Variants in CCDC6 observed in about 807,000 individuals in gnomAD.
CCDC6 encodes coiled-coil domain containing 6.
A neutral mutation model predicts 56.6 loss-of-function variants in CCDC6; 20 were observed. The observed-to-expected ratio is 0.35, with a 90% confidence interval of 0.25 to 0.51. The LOEUF is 0.51. CCDC6 is among the 20% of genes least tolerant of loss of function. The probability of loss-of-function intolerance (pLI) is 0.95; values close to 1 mark genes in which losing one functional copy is unlikely to be tolerated. For synonymous variants in CCDC6, 241 were observed against 234.4 expected (o/e 1.03, Z -0.26); for missense variants, 367 against 601.1 (o/e 0.61, Z 4.07).
At chr10:59,870,998 GAGTC>G (rs1407092536) in intron 1 of CCDC6, among the ~76,000 whole-genome samples, 2 of 152,028 alleles carry the variant, frequency 1.3e-5, no homozygotes, top group African/African-American at 4.8e-5. Flanking sequence ...TATGAGAGGA[GAGTC>G]AGTCAGATCT....
intron 1 of CCDC6, among the ~76,000 whole-genome samples, chr10:59,877,204 T>C (rs944829143): frequency 1.3e-5 from 2 of 152,340 alleles, no homozygotes; most frequent in South Asian, 2.1e-4. Flanking sequence ...TCATTCACGA[T>C]GGCAAAACAA....
chr10:59,850,939 T>C (rs989802929), intron 2 of CCDC6, among the ~76,000 whole-genome samples: 1 of 152,016 alleles, frequency 6.6e-6, no homozygotes, highest in Non-Finnish European at 1.5e-5. Flanking sequence ...CATTCTTTTT[T>C]AGTATCTTAT....
rs770900274 is a variant in CCDC6, at chr10:59,882,023, CCG to C, written c.303+24097_303+24098del. On this transcript the variant is annotated intron_variant, in intron 1 of 8. Transcript: ENST00000263102. ...AAAGCTGGGGAGAAGGAAAGGAAAG[CCG>C]CGGGGAGAAGGAAAGGAAAGCCAGG... Among the ~76,000 whole-genome samples, 13 of 47,038 alleles carry C rather than the reference CCG, an allele frequency of 2.8e-4. 1 individual carries two copies. The highest frequency in any genetic ancestry group is 1.7e-3 in the East Asian group (3 of 1,808). 30.9% of individuals were successfully genotyped at this position (47,038 alleles called of 152,430 possible).
intron 1 of CCDC6, among the ~76,000 whole-genome samples, chr10:59,891,348 A>G (rs2071421003): frequency 1.3e-5 from 2 of 152,208 alleles, no homozygotes; most frequent in Non-Finnish European, 2.9e-5. Context: ...CACACAGCCT[A>G]ATAGAGAATG....
intron 1 of CCDC6, among the ~76,000 whole-genome samples, chr10:59,890,889 A>G (rs575130502): frequency 2.6e-5 from 4 of 151,704 alleles, no homozygotes; most frequent in African/African-American, 9.7e-5. Flanking sequence ...TCCTCCCCCA[A>G]CCCCACGACA....
chr10:59,830,356 T>C (rs2070825236), intron 3 of CCDC6, among the ~76,000 whole-genome samples: 1 of 152,254 alleles, frequency 6.6e-6, no homozygotes, highest in South Asian at 2.1e-4. Flanking sequence ...GGTCAGATCA[T>C]ATCCATGGAA....
In CCDC6 at chr10:59,792,767, C is replaced by A. The variant is rs767535026; in HGVS notation, c.*150G>T. 13 of 886,566 alleles carry A rather than the reference C, an allele frequency of 1.5e-5. No homozygotes were observed. Among genetic ancestry groups the A allele is most frequent in the Admixed American group, 3.4e-5 (2 of 59,136 alleles). 54.9% of individuals were successfully genotyped at this position (886,566 alleles called of 1,614,324 possible). On this transcript the variant is annotated 3_prime_UTR_variant, in exon 9 of 9. Coordinates refer to ENST00000263102, the MANE Select transcript of CCDC6 (RefSeq NM_005436.5). ...CCCACAACACTGGCTGCATTTCTGA[C>A]AAACATTTACAACACAATGGATAGT...
intron 8 of CCDC6, 25 bp from the exon 9 acceptor site, chr10:59,793,136 G>A (rs201846895): frequency 7.5e-6 from 12 of 1,600,160 alleles, no homozygotes; most frequent in Non-Finnish European, 1.0e-5. Context: ...GGAACAGCAA[G>A]TCAGTCTAGG....
At chr10:59,898,917 A>G (rs1272565000) in intron 1 of CCDC6, among the ~76,000 whole-genome samples, 1 of 152,200 alleles carries the variant, frequency 6.6e-6, no homozygotes, top group Non-Finnish European at 1.5e-5. Context: ...TCCAGGAACC[A>G]ATAAGTAAAG....
intron 3 of CCDC6, among the ~76,000 whole-genome samples, chr10:59,828,425 T>C (rs1315496656): frequency 6.6e-6 from 1 of 152,224 alleles, no homozygotes; most frequent in Non-Finnish European, 1.5e-5. Context: ...GCATTTAAGA[T>C]GCTAAATAAA....
chr10:59,904,744 G>C (rs2071529944), intron 1 of CCDC6, among the ~76,000 whole-genome samples: 1 of 152,188 alleles, frequency 6.6e-6, no homozygotes, highest in African/African-American at 2.4e-5. Flanking sequence ...AGCATGAAAA[G>C]TTTCTTTTTA....
At position 59,848,232 on chromosome 10, in the gene CCDC6, T is replaced by C. The variant is rs771605971; in HGVS notation, c.453+4321A>G. Among the ~76,000 whole-genome samples, 219 of 152,358 alleles carry C rather than the reference T, an allele frequency of 1.4e-3. 1 individual carries two copies. Among genetic ancestry groups the C allele is most frequent in the Non-Finnish European group, 1.0e-3 (70 of 68,032 alleles). On this transcript the variant is annotated intron_variant, in intron 2 of 8. Transcript: ENST00000263102. ...AGTAATTTTCTTACTTGTTCTTAACTAATCTCTTTTAAAGTATACATAGCT... is the reference window on the plus strand; with the variant it reads ...AGTAATTTTCTTACTTGTTCTTAACCAATCTCTTTTAAAGTATACATAGCT...
intron 1 of CCDC6, among the ~76,000 whole-genome samples, chr10:59,885,839 A>T (rs1236381659): frequency 1.3e-5 from 2 of 151,456 alleles, no homozygotes; most frequent in Non-Finnish European, 2.9e-5. Flanking sequence ...TCCAAGAAAC[A>T]CATCTTTTGA....
Position 59,789,997 on chromosome 10 carries a change from G to C in CCDC6, c.*2920C>G, listed in dbSNP as rs2070454070. On this transcript the variant is annotated 3_prime_UTR_variant, in exon 9 of 9. Coordinates refer to ENST00000263102, the MANE Select transcript of CCDC6 (RefSeq NM_005436.5). ...CCATGGTTGCTAGTCAGTATCTCAGGAGCTCAGAATTTAAAACTCCTTTCA... is the reference window on the plus strand; with the variant it reads ...CCATGGTTGCTAGTCAGTATCTCAGCAGCTCAGAATTTAAAACTCCTTTCA... 4.6e-6 allele frequency: 1 copy of C among 216,918 alleles called. No homozygotes were observed. Among genetic ancestry groups the C allele is most frequent in the Non-Finnish European group, 9.3e-6 (1 of 107,550 alleles). The allele number at this position is 216,918 out of a possible 1,614,324, so 13.4% of individuals were successfully genotyped here. A position where few individuals can be genotyped will look rare whatever the true frequency, so the allele number is the denominator to read the frequency against.
chr10:59,814,962 T>C (rs1001738103), intron 3 of CCDC6, among the ~76,000 whole-genome samples: 5 of 152,182 alleles, frequency 3.3e-5, no homozygotes, highest in African/African-American at 7.2e-5. Context: ...TGCTTAATTG[T>C]TGTCTGGTAC....
intron 1 of CCDC6, among the ~76,000 whole-genome samples, chr10:59,898,518 C>G (rs2071480547): frequency 6.6e-6 from 1 of 152,190 alleles, no homozygotes; most frequent in African/African-American, 2.4e-5. Context: ...CCTAAGCTTC[C>G]CTTCCTGCAT....
chr10:59,835,572 A>G (rs1264736077), intron 2 of CCDC6, among the ~76,000 whole-genome samples: 1 of 152,212 alleles, frequency 6.6e-6, no homozygotes, highest in African/African-American at 2.4e-5. Flanking sequence ...AGCCATTCTG[A>G]GATCTAACTC....
intron 1 of CCDC6, among the ~76,000 whole-genome samples, chr10:59,857,646 G>T (rs758765525): frequency 4.6e-5 from 7 of 151,968 alleles, no homozygotes; most frequent in Non-Finnish European, 1.0e-4. Context: ...GAAAGTTCAA[G>T]TGCCTACCAA....
intron 5 of CCDC6, among the ~76,000 whole-genome samples, chr10:59,809,943 T>C (rs2132629901): frequency 6.6e-6 from 1 of 152,290 alleles, no homozygotes; most frequent in African/African-American, 2.4e-5. Flanking sequence ...TCCAAAGAGG[T>C]GGCTCCCAAA....
Sources: allele counts gnomAD v4.1 joint callset (sites outside exome capture counted in the v4.1 genomes callset), GRCh38; gene constraint gnomAD v4.1.1; transcripts MANE v1.5; gene names NCBI Gene and HGNC (gene_info 2026-07-23, HGNC 2026-07-21).